NAPG: variants seen among roughly 807,000 people sequenced by gnomAD.
NAPG encodes the protein gamma-soluble NSF attachment protein.
In NAPG, 25 loss-of-function variants were observed where a neutral mutation model predicts 48.4. That is an observed-to-expected ratio of 0.52 (90% CI 0.38 to 0.72). The LOEUF (loss-of-function observed/expected upper bound fraction) is 0.72, where lower values mean the gene tolerates loss of function less well. Ranked by LOEUF, NAPG falls within the 30% of genes least tolerant of loss-of-function variation. The probability of loss-of-function intolerance (pLI) is 0.00; values close to 1 mark genes in which losing one functional copy is unlikely to be tolerated. For missense variants in NAPG, 359 were observed against 372.5 expected, an observed-to-expected ratio of 0.96 and a Z score of 0.30; for synonymous variants, 139 against 127.2, an observed-to-expected ratio of 1.09 and a Z score of -0.62.
In NAPG at chr18:10,539,903, A is replaced by G. The variant is rs2032114782; in HGVS notation, c.368+32A>G. 6.2e-7 allele frequency: 1 copy of G among 1,607,130 alleles called. No homozygotes were observed. Among genetic ancestry groups the G allele is most frequent in the African/African-American group, 1.3e-5 (1 of 74,716 alleles). ...GTGAGATGGACAAGTCTCTGCATAGAAGTCTTGTCTTTTTGTTTTAAAGAG... is the reference window on the plus strand; with the variant it reads ...GTGAGATGGACAAGTCTCTGCATAGGAGTCTTGTCTTTTTGTTTTAAAGAG... On this transcript the variant is annotated intron_variant, in intron 6 of 11. Transcript: ENST00000322897. The surrounding 1 kb of genome is among the most constrained non-coding windows in gnomAD (Gnocchi z 4.7).
At chr18:10,547,096 C>A (rs2032283549) in intron 9 of NAPG, among the ~76,000 whole-genome samples, 1 of 152,218 alleles carries the variant, frequency 6.6e-6, no homozygotes, top group Non-Finnish European at 1.5e-5. Context: ...AGACAGGCCT[C>A]AAAGTAGCAG....
At position 10,551,625 on chromosome 18, in the gene NAPG, A is replaced by G. The variant is rs1356462644; in HGVS notation, c.*1405A>G. ...CTGCCAAAGTAATTCCTGCTCATCC[A>G]TGCCCTGTCTCTGTCTCTTTTAGAG... On this transcript the variant is annotated 3_prime_UTR_variant, in exon 12 of 12. Coordinates refer to ENST00000322897, the MANE Select transcript of NAPG (RefSeq NM_003826.3). 6.6e-6 allele frequency: 1 copy of G among 152,144 alleles called. No individual in the cohort carries two copies. Among genetic ancestry groups the G allele is most frequent in the Non-Finnish European group, 1.5e-5 (1 of 68,036 alleles). The allele number at this position is 152,144 out of a possible 1,614,324, so 9.4% of individuals were successfully genotyped here.
rs2143157937 is a variant in NAPG, at chr18:10,550,486, T to C, written c.*266T>C. The C allele has an allele frequency of 3.4e-6, 1 of 292,752 alleles. No individual in the cohort carries two copies. Among genetic ancestry groups the C allele is most frequent in the South Asian group, 5.2e-5 (1 of 19,286 alleles). 18.1% of individuals were successfully genotyped at this position (292,752 alleles called of 1,614,324 possible). A position where few individuals can be genotyped will look rare whatever the true frequency, so the allele number is the denominator to read the frequency against. On this transcript the variant is annotated 3_prime_UTR_variant, in exon 12 of 12. Coordinates refer to ENST00000322897, the MANE Select transcript of NAPG (RefSeq NM_003826.3). Reference sequence around the variant, plus strand: ...TACTGTCATGTTTTAATACATTGATTAAAAAATTTGCAAGCCAAATTATAC... The same window carrying C: ...TACTGTCATGTTTTAATACATTGATCAAAAAATTTGCAAGCCAAATTATAC...
chr18:10,548,840 G>A lies in NAPG; in HGVS notation c.666-127G>A, dbSNP rs957586266. On this transcript the variant is annotated intron_variant, in intron 10 of 11. Transcript: ENST00000322897. This position sits in a 1 kb window ranked among gnomAD's most constrained non-coding sequence, Gnocchi z 4.4. ...GGTCTCTGCCCTCTAGATGCCACTA[G>A]CATTCCCACACTTTTAAGTACCAAA... 51 of 1,197,972 alleles carry A rather than the reference G, an allele frequency of 4.3e-5. No homozygotes were observed. The Admixed American group carries it at 1.2e-3, about 29-fold the overall frequency. The allele number at this position is 1,197,972 out of a possible 1,614,324, so 74.2% of individuals were successfully genotyped here.
intron 1 of NAPG, among the ~76,000 whole-genome samples, chr18:10,527,725 G>A (rs2031848309): frequency 6.6e-6 from 1 of 152,152 alleles, no homozygotes; most frequent in Admixed American, 6.6e-5. Flanking sequence ...TATTATACGC[G>A]GGCCTGAAAA....
intron 5 of NAPG, among the ~76,000 whole-genome samples, chr18:10,538,729 T>C (rs1210501163): frequency 6.6e-6 from 1 of 152,244 alleles, no homozygotes; most frequent in Non-Finnish European, 1.5e-5. Flanking sequence ...GTGAAGCATT[T>C]CATTTTAAAT....
chr18:10,527,884 G>A (rs3790128), intron 1 of NAPG, among the ~76,000 whole-genome samples: 15,028 of 152,222 alleles, frequency 0.099, 991 homozygotes, highest in East Asian at 0.24. Context: ...TTTGCTTTTG[G>A]TGAAAGAAAT....
rs76314309 is a variant in NAPG at position 10,548,168 on chromosome 18, T to C, written c.586-131T>C. On this transcript the variant is annotated intron_variant, in intron 9 of 11. Coordinates refer to ENST00000322897, the MANE Select transcript of NAPG (RefSeq NM_003826.3). This position sits in a 1 kb window ranked among gnomAD's most constrained non-coding sequence, Gnocchi z 4.4. ...CTCAGGTGTCCCGTGGAAGTTACTA[T>C]AGCATTTATAAATCTCTGTTTATAC... The C allele has an allele frequency of 7.6e-6, 5 of 656,202 alleles. No individual in the cohort carries two copies. Among genetic ancestry groups the C allele is most frequent in the African/African-American group, 5.4e-5 (3 of 55,162 alleles). 40.6% of individuals were successfully genotyped at this position (656,202 alleles called of 1,614,324 possible).
intron 2 of NAPG, among the ~76,000 whole-genome samples, chr18:10,531,166 TA>T (rs1380379505): frequency 6.6e-6 from 1 of 152,196 alleles, no homozygotes; most frequent in Non-Finnish European, 1.5e-5. Flanking sequence ...CATATTTCTC[TA>T]TTATACTTTC....
At chr18:10,533,888 T>TGGA (rs1262610545) in intron 4 of NAPG, among the ~76,000 whole-genome samples, 1 of 152,216 alleles carries the variant, frequency 6.6e-6, no homozygotes, top group Non-Finnish European at 1.5e-5. Context: ...TCTTGCCTTG[T>TGGA]GGAGAGTAGT....
chr18:10,548,136 A>T lies in NAPG; in HGVS notation c.586-163A>T, dbSNP rs1053818474. Among the ~76,000 whole-genome samples, 2 of 152,172 alleles carry T rather than the reference A, an allele frequency of 1.3e-5. No individual in the cohort carries two copies. The highest frequency in any genetic ancestry group is 2.9e-5 in the Non-Finnish European group (2 of 68,032). ...AATTGGAAAAGTACTGTTCTAGGAT[A>T]TTTCCCCTCAGGTGTCCCGTGGAAG... On this transcript the variant is annotated intron_variant, in intron 9 of 11. Coordinates refer to ENST00000322897, the MANE Select transcript of NAPG (RefSeq NM_003826.3). This position sits in a 1 kb window ranked among gnomAD's most constrained non-coding sequence, Gnocchi z 4.4.
chr18:10,527,187 C>CA (rs775618160), intron 1 of NAPG, among the ~76,000 whole-genome samples: 39,632 of 105,224 alleles, frequency 0.38, 6,701 homozygotes, highest in African/African-American at 0.41. Flanking sequence ...GACTCCGTCT[C>CA]AAAAAAAAAA....
At position 10,550,175 on chromosome 18, in the gene NAPG, G is replaced by A. The variant is rs188246792; in HGVS notation, c.894G>A (p.Thr298=). 300 of 1,588,144 alleles carry A rather than the reference G, an allele frequency of 1.9e-4. No homozygotes were observed. The African/African-American group carries it at 2.9e-3, about 15-fold the overall frequency. The change falls in exon 12 of 12, where the codon ACG becomes ACA. Residue 298 remains threonine, a synonymous_variant. Coordinates refer to ENST00000322897, the MANE Select transcript of NAPG (RefSeq NM_003826.3). ...PQAKPDGVTA[T]AADEEEDEYS... ...CCAAGCCTGATGGTGTCACTGCCACGGCTGCTGATGAAGAGGAAGATGAAT... is the reference window on the plus strand; with the variant it reads ...CCAAGCCTGATGGTGTCACTGCCACAGCTGCTGATGAAGAGGAAGATGAAT...
rs573875022 is a variant in NAPG, at chr18:10,542,836, G to C, written c.506+2437G>C. Among the ~76,000 whole-genome samples, 1 of 152,130 alleles carries C rather than the reference G, an allele frequency of 6.6e-6. No homozygotes were observed. The highest frequency in any genetic ancestry group is 1.5e-5 in the Non-Finnish European group (1 of 68,030). On this transcript the variant is annotated intron_variant, in intron 8 of 11. Coordinates refer to ENST00000322897, the MANE Select transcript of NAPG (RefSeq NM_003826.3). The surrounding 1 kb of genome is among the most constrained non-coding windows in gnomAD (Gnocchi z 4.5). ...CAGAAGTGATTCGTAGTTTCATTTAGATTACATCTGGGAAAAGTCAGTCCA... is the reference window on the plus strand; with the variant it reads ...CAGAAGTGATTCGTAGTTTCATTTACATTACATCTGGGAAAAGTCAGTCCA...
intron 11 of NAPG, 27 bp downstream of exon 11, chr18:10,549,123 C>T (rs760233840): frequency 6.3e-6 from 10 of 1,582,398 alleles, no homozygotes; most frequent in Middle Eastern, 1.7e-4. Context: ...GCATAGCTTT[C>T]ATCTTTTCTC....
At position 10,548,473 on chromosome 18, in the gene NAPG, A is replaced by G. The variant is rs1017793830; in HGVS notation, c.665+95A>G. 12 of 1,003,654 alleles carry G rather than the reference A, an allele frequency of 1.2e-5. No individual in the cohort carries two copies. The highest frequency in any genetic ancestry group is 1.8e-5 in the Non-Finnish European group (12 of 649,844). 62.2% of individuals were successfully genotyped at this position (1,003,654 alleles called of 1,614,324 possible). A position where few individuals can be genotyped will look rare whatever the true frequency, so the allele number is the denominator to read the frequency against. ...TAGGACACATGTTCCTGGCCATGAA[A>G]CTGTCATTTCTAAATCTTAGGAGTG... On this transcript the variant is annotated intron_variant, in intron 10 of 11. Transcript: ENST00000322897. This position sits in a 1 kb window ranked among gnomAD's most constrained non-coding sequence, Gnocchi z 4.4.
At chr18:10,536,470 A>T (rs1291349675) in intron 5 of NAPG, among the ~76,000 whole-genome samples, 1 of 152,180 alleles carries the variant, frequency 6.6e-6, no homozygotes, top group Non-Finnish European at 1.5e-5. Flanking sequence ...TGGTTCTGTC[A>T]CTTGATGACT....
intron 1 of NAPG, 80 bp downstream of exon 1, chr18:10,526,238 G>GCTTTCCCC: frequency 1.2e-6 from 1 of 858,068 alleles, no homozygotes. Context: ...CCCGGGGGGG[G>GCTTTCCCC]CGGGAGGGAG....
Position 10,546,349 on chromosome 18 carries a change from T to C in NAPG, c.530T>C (p.Ile177Thr). 1 of 1,582,514 alleles carries C rather than the reference T, an allele frequency of 6.3e-7. No individual in the cohort carries two copies. The highest frequency in any genetic ancestry group is 8.6e-7 in the Non-Finnish European group (1 of 1,160,774). The change falls in exon 9 of 12, where the codon ATT (isoleucine) becomes ACT (threonine). Residue 177 changes from isoleucine to threonine, a missense_variant. By Grantham distance (89) the Ile-to-Thr change is moderately conservative. Coordinates refer to ENST00000322897, the MANE Select transcript of NAPG (RefSeq NM_003826.3). The surrounding 1 kb of genome is among the most constrained non-coding windows in gnomAD (Gnocchi z 4.0). ...GRRFDEAALS[I>T]QKEKNIYKEI... is the part of the protein sequence containing the mutation. Reference sequence around the variant, plus strand: ...AGGTTTGATGAGGCGGCACTCTCTATTCAGAAAGAAAAAAATATTTATAAG... The same window carrying C: ...AGGTTTGATGAGGCGGCACTCTCTACTCAGAAAGAAAAAAATATTTATAAG...
Sources: gnomAD v4.1 joint callset for allele counts (sites outside exome capture counted in the v4.1 genomes callset) on GRCh38, gnomAD v4.1.1 for gene constraint, Gnocchi (gnomAD v3.1) non-coding constraint, MANE v1.5 for transcripts, NCBI Gene and HGNC (gene_info 2026-07-23, HGNC 2026-07-21) for gene names.